MRPL58: variants seen among roughly 807,000 people sequenced by gnomAD.
MRPL58 encodes the protein mitochondrial ribosomal protein L58.
MRPL58 carries 17 observed loss-of-function variants against 26.0 expected under a neutral mutation model. The ratio of observed to expected loss-of-function variants is 0.65; its 90% confidence interval spans 0.45 to 0.98. The LOEUF (loss-of-function observed/expected upper bound fraction) is 0.98. MRPL58 is among the 50% of genes least tolerant of loss of function. MRPL58 has a pLI of 0.00. For missense variants in MRPL58, 250 were observed against 269.0 expected (o/e 0.93, Z 0.49); for synonymous variants, 100 against 99.7 (o/e 1.00, Z -0.02).
intron 2 of MRPL58, among the ~76,000 whole-genome samples, chr17:75,018,958 C>T (rs564923189): frequency 1.6e-4 from 25 of 152,066 alleles, no homozygotes; most frequent in African/African-American, 5.3e-4. Context: ...TGCAGTGAAG[C>T]AGTTTTGTAG....
intron 1 of MRPL58, among the ~76,000 whole-genome samples, chr17:75,014,096 G>A (rs991374281): frequency 3.3e-5 from 5 of 151,552 alleles, no homozygotes; most frequent in Admixed American, 6.6e-5. Flanking sequence ...GATCCTAGAC[G>A]TATTTTGGAA....
intron 1 of MRPL58, among the ~76,000 whole-genome samples, chr17:75,014,179 CTTTTTTTTTTTT>C (rs570042413): frequency 2.6e-5 from 2 of 77,020 alleles, no homozygotes; most frequent in African/African-American, 1.2e-4. Context: ...AGTCTGGGGC[CTTTTTTTTTTTT>C]TTTTTTTTTT....
In MRPL58 at chr17:75,014,433, G is replaced by A. The variant is rs1379741968; in HGVS notation, c.186+1561G>A. On this transcript the variant is annotated intron_variant, in intron 1 of 5. Coordinates refer to ENST00000301585, the MANE Select transcript of MRPL58 (RefSeq NM_001545.3). ...GTCTTGATCACGGGCGTGAGCCACCGCGCCAGGCTTTTTTTTTTTTTTTTT... is the reference window on the plus strand; with the variant it reads ...GTCTTGATCACGGGCGTGAGCCACCACGCCAGGCTTTTTTTTTTTTTTTTT... Among the ~76,000 whole-genome samples, 3 of 134,172 alleles carry A rather than the reference G, an allele frequency of 2.2e-5. No individual in the cohort carries two copies. The Admixed American group carries it at 2.3e-4, about 10-fold the overall frequency. The allele number at this position is 134,172 out of a possible 152,430, so 88.0% of individuals were successfully genotyped here.
chr17:75,016,636 A>T (rs2039976402), intron 1 of MRPL58, among the ~76,000 whole-genome samples: 1 of 150,658 alleles, frequency 6.6e-6, no homozygotes, highest in African/African-American at 2.4e-5. Context: ...AGAAACCCTC[A>T]GGGTGCAATT....
chr17:75,019,523 C>A (rs1048991220), intron 2 of MRPL58, among the ~76,000 whole-genome samples, 177 bp from the exon 3 acceptor site: 8 of 152,232 alleles, frequency 5.3e-5, no homozygotes, highest in Non-Finnish European at 1.2e-4. Context: ...GTCACTACTG[C>A]TCACTGGGAC....
intron 1 of MRPL58, among the ~76,000 whole-genome samples, chr17:75,014,530 G>A (rs764437249): frequency 5.7e-5 from 8 of 140,592 alleles, no homozygotes; most frequent in Admixed American, 1.5e-4. Flanking sequence ...TGCAACCTCC[G>A]CCTCCTGGGT....
intron 2 of MRPL58, among the ~76,000 whole-genome samples, chr17:75,017,982 C>G (rs944095102): frequency 6.6e-6 from 1 of 151,970 alleles, no homozygotes; most frequent in African/African-American, 2.4e-5. Context: ...TTCCAGATCT[C>G]TCCAGCCCAA....
At chr17:75,014,099 T>G (rs2039954284) in intron 1 of MRPL58, among the ~76,000 whole-genome samples, 1 of 152,032 alleles carries the variant, frequency 6.6e-6, no homozygotes, top group Non-Finnish European at 1.5e-5. Context: ...CCTAGACGTA[T>G]TTTGGAAAGA....
chr17:75,014,539 G>A (rs2039959907), intron 1 of MRPL58, among the ~76,000 whole-genome samples: 1 of 150,966 alleles, frequency 6.6e-6, no homozygotes, highest in African/African-American at 2.4e-5. Flanking sequence ...CGCCTCCTGG[G>A]TTCAAGTGAT....
At chr17:75,020,733 G>A (rs1305656247) in intron 5 of MRPL58, 76 bp downstream of exon 5, 7 of 1,511,306 alleles carry the variant, frequency 4.6e-6, no homozygotes, top group Middle Eastern at 1.7e-4. Flanking sequence ...AAGGGGCAGG[G>A]GAGAGTCCAA....
At chr17:75,017,048 T>A (rs996867916) in intron 1 of MRPL58, 30 bp from the exon 2 acceptor site, 9 of 1,585,464 alleles carry the variant, frequency 5.7e-6, no homozygotes, top group East Asian at 2.2e-5. Flanking sequence ...CAGGTAATAT[T>A]TATTTGACAC....
chr17:75,016,896 G>A lies in MRPL58; in HGVS notation c.187-182G>A, dbSNP rs1279836354. Among the ~76,000 whole-genome samples the A allele has an allele frequency of 3.9e-5, 6 of 152,236 alleles. No homozygotes were observed. In the East Asian group the frequency reaches 1.2e-3, roughly 29 times the overall value. ...ATTTTCGTAGAGGAGTGTTTCTGAG[G>A]TGGTACCTCTGGAGTCTGAGGATGC... On this transcript the variant is annotated intron_variant, in intron 1 of 5. Coordinates refer to ENST00000301585, the MANE Select transcript of MRPL58 (RefSeq NM_001545.3).
chr17:75,014,838 A>G (rs1387280433), intron 1 of MRPL58, among the ~76,000 whole-genome samples: 1 of 152,208 alleles, frequency 6.6e-6, no homozygotes, highest in Non-Finnish European at 1.5e-5. Flanking sequence ...TCATTCAATA[A>G]AATGTTTATT....
chr17:75,013,914 T>C (rs1385221264), intron 1 of MRPL58, among the ~76,000 whole-genome samples: 1 of 152,126 alleles, frequency 6.6e-6, no homozygotes, highest in Non-Finnish European at 1.5e-5. Flanking sequence ...GGGAGACCTA[T>C]TGGAGAGCTT....
chr17:75,019,361 G>A (rs2039998215), intron 2 of MRPL58, among the ~76,000 whole-genome samples: 2 of 152,178 alleles, frequency 1.3e-5, no homozygotes, highest in African/African-American at 4.8e-5. Context: ...GTCAGCTGCA[G>A]CTCAAGCTTT....
chr17:75,013,503 A>G (rs2039949320), intron 1 of MRPL58, among the ~76,000 whole-genome samples: 1 of 152,254 alleles, frequency 6.6e-6, no homozygotes, highest in South Asian at 2.1e-4. Flanking sequence ...TTGAAATTCT[A>G]AAGCTTGTGG....
At chr17:75,015,100 T>C (rs2039963559) in intron 1 of MRPL58, among the ~76,000 whole-genome samples, 1 of 152,196 alleles carries the variant, frequency 6.6e-6, no homozygotes, top group African/African-American at 2.4e-5. Flanking sequence ...CCATTAGACA[T>C]CTGAGAAGAG....
At chr17:75,020,150 A>T in intron 3 of MRPL58, 163 bp from the exon 4 acceptor site, 1 of 607,914 alleles carries the variant, frequency 1.6e-6, no homozygotes, top group Non-Finnish European at 2.9e-6. Context: ...AAAGTGCCTC[A>T]CTGTCTTTGC....
intron 2 of MRPL58, chr17:75,018,803 G>A (rs1334085082): frequency 1.3e-5 from 2 of 152,266 alleles, no homozygotes; most frequent in East Asian, 3.9e-4. Flanking sequence ...GATTCGGAGA[G>A]TGTATGACTT....
Sources: allele counts gnomAD v4.1 joint callset (sites outside exome capture counted in the v4.1 genomes callset), GRCh38; gene constraint gnomAD v4.1.1; transcripts MANE v1.5; gene names NCBI Gene and HGNC (gene_info 2026-07-23, HGNC 2026-07-21).